SOX6: variants seen among roughly 807,000 people sequenced by gnomAD.
SOX6 encodes the protein transcription factor SOX-6.
In SOX6, 11 loss-of-function variants were observed where a neutral mutation model predicts 97.8. The observed-to-expected ratio is 0.11, with a 90% CI of 0.07 to 0.19. SOX6 has a LOEUF of 0.19. Among genes scored for constraint, SOX6 ranks in the 10% least tolerant of loss-of-function variants. SOX6 has a pLI of 1.00. For synonymous variants in SOX6, 360 were observed against 371.4 expected, an observed-to-expected ratio of 0.97 and a Z score of 0.35; for missense variants, 810 against 1,039.5, an observed-to-expected ratio of 0.78 and a Z score of 3.04.
chr11:16,341,117 G>A lies in SOX6; in HGVS notation c.132C>T (p.His44=), dbSNP rs763570958. The A allele has an allele frequency of 6.2e-7, 1 of 1,613,540 alleles. No homozygotes were observed. The highest frequency in any genetic ancestry group is 8.5e-7 in the Non-Finnish European group (1 of 1,179,562). ...DQHVASHLPL[H]PIMHNKPHSE... ...AGTGAGGTTTGTTGTGCATTATGGG[G>A]TGCAGAGGCAGATGGGAGGCCACAT... The change falls in exon 2 of 16, where the codon CAC becomes CAT. Residue 44 remains histidine (H), a synonymous_variant. Transcript: ENST00000683767.
chr11:16,524,869 C>A (rs1270774024), intron 4 of SOX6, among the ~76,000 whole-genome samples: 1 of 152,302 alleles, frequency 6.6e-6, no homozygotes, highest in East Asian at 1.9e-4. Context: ...CATGAGTGAA[C>A]TCCCATTCAC....
At chr11:16,013,507 T>G (rs752962857) in intron 13 of SOX6, among the ~76,000 whole-genome samples, 1 of 152,004 alleles carries the variant, frequency 6.6e-6, no homozygotes, top group Admixed American at 6.6e-5. Context: ...ATGAAAATAA[T>G]GGGCTGTTGA....
At chr11:16,317,341 C>CATT (rs573483392) in intron 3 of SOX6, 1 of 151,404 alleles carries the variant, frequency 6.6e-6, no homozygotes, top group African/African-American at 2.4e-5. Context: ...AAGACATATT[C>CATT]ATTATTATTA....
At chr11:16,339,654 A>G (rs567352326) in intron 2 of SOX6, among the ~76,000 whole-genome samples, 1 of 152,118 alleles carries the variant, frequency 6.6e-6, no homozygotes, top group African/African-American at 2.4e-5. Flanking sequence ...TCCCTCTCCC[A>G]GACTATAAAC....
At chr11:16,636,546 T>C (rs1384790548) in intron 3 of SOX6, among the ~76,000 whole-genome samples, 1 of 152,102 alleles carries the variant, frequency 6.6e-6, no homozygotes, top group African/African-American at 2.4e-5. Flanking sequence ...TGAGTTAAGA[T>C]TTTGGGGGAC....
At chr11:16,630,616 G>A (rs1372426531) in intron 3 of SOX6, among the ~76,000 whole-genome samples, 1 of 152,114 alleles carries the variant, frequency 6.6e-6, no homozygotes, top group East Asian at 1.9e-4. Context: ...AGTTGGTCAA[G>A]TGACAAGTTT....
intron 1 of SOX6, among the ~76,000 whole-genome samples, chr11:16,462,055 G>C (rs1163372979): frequency 6.6e-6 from 1 of 152,186 alleles, no homozygotes; most frequent in Non-Finnish European, 1.5e-5. Flanking sequence ...GTTTCCAACA[G>C]GTACAAAGCA....
intron 4 of SOX6, 119 bp from the exon 5 acceptor site, chr11:16,187,074 C>G: frequency 9.0e-7 from 1 of 1,105,878 alleles, no homozygotes. Flanking sequence ...GGGACAATGA[C>G]TGGAGGCCAT....
intron 1 of SOX6, among the ~76,000 whole-genome samples, chr11:16,405,797 T>C (rs962193029): frequency 5.9e-5 from 9 of 152,034 alleles, no homozygotes; most frequent in African/African-American, 2.2e-4. Context: ...GAAAGCTCAG[T>C]CTTTGTTCAT....
chr11:16,676,112 A>G (rs1028174399), intron 3 of SOX6, among the ~76,000 whole-genome samples: 1 of 152,128 alleles, frequency 6.6e-6, no homozygotes, highest in African/African-American at 2.4e-5. Context: ...CATTTTCCTG[A>G]TCTTCAGCAT....
intron 1 of SOX6, among the ~76,000 whole-genome samples, chr11:16,396,399 TAC>T (rs1049411535): frequency 6.6e-6 from 1 of 151,686 alleles, no homozygotes; most frequent in African/African-American, 2.4e-5. Flanking sequence ...TTTTCACAAA[TAC>T]ACACACACAA....
intron 2 of SOX6, among the ~76,000 whole-genome samples, chr11:16,719,644 C>T (rs1414771463): frequency 2.6e-5 from 4 of 152,172 alleles, no homozygotes; most frequent in Non-Finnish European, 5.9e-5. Flanking sequence ...TCACACCAGG[C>T]CAGGTACAGT....
intron 3 of SOX6, among the ~76,000 whole-genome samples, chr11:16,676,896 T>A (rs1034830895): frequency 6.6e-6 from 1 of 152,028 alleles, no homozygotes; most frequent in Admixed American, 6.6e-5. Flanking sequence ...TTTTTTTTTT[T>A]AGTATGCACT....
chr11:16,235,474 T>C (rs1370464), intron 3 of SOX6, among the ~76,000 whole-genome samples: 143,581 of 152,048 alleles, frequency 0.94, 68,330 homozygotes, highest in East Asian at 1. Flanking sequence ...TTGCAACTGG[T>C]GCTACTGCTT....
intron 3 of SOX6, among the ~76,000 whole-genome samples, chr11:16,612,881 G>A (rs1848416553): frequency 6.6e-6 from 1 of 152,076 alleles, no homozygotes. Context: ...GCGCTTCCCT[G>A]ACACTAACAC....
In SOX6 at chr11:16,097,656, T is replaced by G. The variant is rs1323413409; in HGVS notation, c.931A>C (p.Thr311Pro). Reference protein sequence around the residue: ...DNYPVQFIPSTMAAAAASGLS... With the variant: ...DNYPVQFIPSPMAAAAASGLS... ...CCAGAAGCAGCAGCAGCTGCCATTGTTGATGGAATGAACTGTACGGGGTAG... is the reference window on the plus strand; with the variant it reads ...CCAGAAGCAGCAGCAGCTGCCATTGGTGATGGAATGAACTGTACGGGGTAG... The change falls in exon 8 of 16, where the codon ACA becomes CCA. Residue 311 changes from threonine (T) to proline (P), a missense_variant. Around this residue, in one of 9 missense-constraint regions of SOX6, gnomAD observed 244 missense variants for 261.0 expected, o/e 0.93. Coordinates refer to ENST00000683767, the MANE Select transcript of SOX6 (RefSeq NM_001367873.1). 5.0e-6 allele frequency: 8 copies of G among 1,611,160 alleles called. No individual in the cohort carries two copies. Among genetic ancestry groups the G allele is most frequent in the Non-Finnish European group, 5.1e-6 (6 of 1,178,046 alleles).
intron 3 of SOX6, among the ~76,000 whole-genome samples, chr11:16,661,793 T>C (rs1441025657): frequency 1.3e-5 from 2 of 152,126 alleles, no homozygotes; most frequent in African/African-American, 4.8e-5. Context: ...CAAATGATCC[T>C]CCCACCTTGG....
chr11:16,234,597 G>T lies in SOX6; in HGVS notation c.520C>A (p.Leu174Ile). ...KMERLNTSEL[L>I]GEIKGTPESL... ...TATGTTGTACCTTTAATTTCTCCAA[G>T]AAGTTCACTGGTATTTAGTCTTTCC... Residue 174 changes from leucine to isoleucine, a missense_variant, in exon 4 of 16, where the codon CTT (leucine) becomes ATT (isoleucine). Around this residue, in one of 9 missense-constraint regions of SOX6, gnomAD observed 110 missense variants for 119.0 expected, o/e 0.92. Transcript: ENST00000683767. 1 of 1,587,730 alleles carries T rather than the reference G, an allele frequency of 6.3e-7. No individual in the cohort carries two copies. Among genetic ancestry groups the T allele is most frequent in the South Asian group, 1.1e-5 (1 of 89,434 alleles).
intron 3 of SOX6, among the ~76,000 whole-genome samples, chr11:16,652,574 A>T (rs1290528232): frequency 6.6e-6 from 1 of 152,180 alleles, no homozygotes; most frequent in Non-Finnish European, 1.5e-5. Flanking sequence ...AGAGGAATGA[A>T]ACTGGATCCT....
Sources: allele counts gnomAD v4.1 joint callset (sites outside exome capture counted in the v4.1 genomes callset), GRCh38; gene constraint gnomAD v4.1.1; regional missense constraint gnomAD v4.1.1; transcripts MANE v1.5; gene names NCBI Gene and HGNC (gene_info 2026-07-23, HGNC 2026-07-21).